Variants in SLC2A13 observed in about 807,000 individuals in gnomAD.
The protein encoded by SLC2A13 is proton myo-inositol cotransporter.
A neutral mutation model predicts 64.4 loss-of-function variants in SLC2A13; 32 were observed. The ratio of observed to expected loss-of-function variants is 0.50; its 90% CI spans 0.37 to 0.67. The LOEUF (loss-of-function observed/expected upper bound fraction) is 0.67. Among genes scored for constraint, SLC2A13 ranks in the 30% least tolerant of loss-of-function variants. The probability of loss-of-function intolerance (pLI) is 0.00; values close to 1 mark genes in which losing one functional copy is unlikely to be tolerated. For synonymous variants in SLC2A13, 338 were observed against 327.1 expected (o/e 1.03, Z -0.36); for missense variants, 743 against 829.2 (o/e 0.90, Z 1.28).
chr12:39,985,850 A>G (rs1035236117), intron 3 of SLC2A13, among the ~76,000 whole-genome samples: 1 of 152,118 alleles, frequency 6.6e-6, no homozygotes, highest in African/African-American at 2.4e-5. Context: ...TCAATAAGTC[A>G]TGATACGAAA....
Position 39,786,969 on chromosome 12 carries a change from A to G in SLC2A13, c.1446-22111T>C, listed in dbSNP as rs1048226064. On this transcript the variant is annotated intron_variant, in intron 7 of 9. Coordinates refer to ENST00000280871, the MANE Select transcript of SLC2A13 (RefSeq NM_052885.4). ...CATGAATCTAATCAGAGACATGGGC[A>G]TATTTTCTGTGTTTTTTCTTTTTTT... 2.4e-4 allele frequency among the ~76,000 whole-genome samples: 34 copies of G among 142,412 alleles called. 1 individual carries two copies. The highest frequency in any genetic ancestry group is 7.4e-5 in the Admixed American group (1 of 13,450). 93.4% of individuals were successfully genotyped at this position (142,412 alleles called of 152,430 possible).
At chr12:40,002,084 A>ATG (rs1947329520) in intron 3 of SLC2A13, among the ~76,000 whole-genome samples, 1 of 152,248 alleles carries the variant, frequency 6.6e-6, no homozygotes, top group Admixed American at 6.5e-5. Flanking sequence ...AAAACAAATG[A>ATG]ATCATTGGAT....
chr12:39,895,522 A>G (rs1419767348), intron 4 of SLC2A13, among the ~76,000 whole-genome samples: 11 of 4,628 alleles, frequency 2.4e-3, no homozygotes, highest in South Asian at 0.016. Flanking sequence ...AATTATATAT[A>G]TATATATATA....
chr12:39,830,128 A>G lies in SLC2A13; in HGVS notation c.1420T>C (p.Ser474Pro). 2 of 1,613,714 alleles carry G rather than the reference A, an allele frequency of 1.2e-6. No individual in the cohort carries two copies. The highest frequency in any genetic ancestry group is 2.2e-5 in the South Asian group (2 of 91,084). ...CTGCCCCAGGCTGCCTCATTTGTAG[A>G]TGCTTTATTAACTGGAACACAGGAG... ...DSSCVPVNKA[S>P]TNEAAWGRCE... Residue 474 changes from serine (S) to proline (P), a missense_variant, in exon 7 of 10, where the codon TCT (serine) becomes CCT (proline). Ser to Pro is a moderately conservative substitution (Grantham distance 74). This residue lies in a region of SLC2A13 where 295 missense variants were observed against 381.7 expected (regional missense o/e 0.77). Coordinates refer to ENST00000280871, the MANE Select transcript of SLC2A13 (RefSeq NM_052885.4).
chr12:40,083,877 A>G (rs1049268229), intron 1 of SLC2A13, among the ~76,000 whole-genome samples: 12 of 152,236 alleles, frequency 7.9e-5, no homozygotes, highest in Admixed American at 6.5e-4. Context: ...CAGAATCCTC[A>G]GCTGCATTTT....
At chr12:40,079,117 G>C (rs537926013) in intron 1 of SLC2A13, among the ~76,000 whole-genome samples, 3 of 152,186 alleles carry the variant, frequency 2.0e-5, no homozygotes, top group South Asian at 2.1e-4. Flanking sequence ...TTTCACCTGT[G>C]GTTTTTGTTC....
At chr12:39,875,530 T>A (rs139414497) in intron 4 of SLC2A13, among the ~76,000 whole-genome samples, 320 of 152,298 alleles carry the variant, frequency 2.1e-3, no homozygotes, top group African/African-American at 7.3e-3. Context: ...TGTTTGTATG[T>A]CCTTGGGGGG....
At chr12:40,025,160 A>C (rs1247518745) in intron 3 of SLC2A13, among the ~76,000 whole-genome samples, 1 of 152,262 alleles carries the variant, frequency 6.6e-6, no homozygotes, top group Non-Finnish European at 1.5e-5. Context: ...TCTGACCTCA[A>C]TGCCATGGGC....
intron 4 of SLC2A13, among the ~76,000 whole-genome samples, chr12:39,896,739 T>C (rs1201922139): frequency 3.3e-5 from 5 of 152,032 alleles, no homozygotes; most frequent in Admixed American, 6.5e-5. Context: ...TAATAAAACA[T>C]CTTGCAGTTT....
At chr12:40,030,334 A>G (rs1447869494) in intron 2 of SLC2A13, among the ~76,000 whole-genome samples, 1 of 152,202 alleles carries the variant, frequency 6.6e-6, no homozygotes, top group Non-Finnish European at 1.5e-5. Flanking sequence ...GTTAACTGGT[A>G]TAATTTAATC....
chr12:39,778,249 G>A (rs1401892527), intron 7 of SLC2A13, among the ~76,000 whole-genome samples: 1 of 152,180 alleles, frequency 6.6e-6, no homozygotes, highest in Non-Finnish European at 1.5e-5. Flanking sequence ...GTCCAGTGAG[G>A]CTGAATGTTT....
At chr12:40,101,475 C>G (rs1480003603) in intron 1 of SLC2A13, among the ~76,000 whole-genome samples, 1 of 152,146 alleles carries the variant, frequency 6.6e-6, no homozygotes, top group East Asian at 1.9e-4. Context: ...CTGTAGTAGC[C>G]ATCTCAGCAA....
chr12:39,875,209 C>A (rs1410870635), intron 4 of SLC2A13, among the ~76,000 whole-genome samples: 2 of 152,200 alleles, frequency 1.3e-5, no homozygotes, highest in Non-Finnish European at 2.9e-5. Context: ...GTCAGTAGAG[C>A]TCTGTCCCTT....
chr12:39,845,980 C>A (rs1243848614), intron 6 of SLC2A13, among the ~76,000 whole-genome samples: 1 of 152,082 alleles, frequency 6.6e-6, no homozygotes, highest in Non-Finnish European at 1.5e-5. Context: ...CAGATATACT[C>A]CAATTTGCCT....
At chr12:39,883,886 C>T (rs1015240502) in intron 4 of SLC2A13, among the ~76,000 whole-genome samples, 3 of 152,170 alleles carry the variant, frequency 2.0e-5, no homozygotes, top group South Asian at 2.1e-4. Context: ...AGTATATTCA[C>T]GTAGAATCTC....
chr12:39,838,134 A>T (rs2135865608), intron 6 of SLC2A13, among the ~76,000 whole-genome samples: 1 of 147,992 alleles, frequency 6.8e-6, no homozygotes, highest in South Asian at 2.2e-4. Context: ...AATGTGGCAC[A>T]TATACACCAT....
At chr12:39,818,949 AC>A (rs1259387233) in intron 7 of SLC2A13, among the ~76,000 whole-genome samples, 3 of 152,202 alleles carry the variant, frequency 2.0e-5, no homozygotes, top group Admixed American at 6.5e-5. Flanking sequence ...TTAAAAAACA[AC>A]ATAGGTCTGC....
chr12:40,013,552 C>T (rs756307213), intron 3 of SLC2A13, among the ~76,000 whole-genome samples: 10 of 152,198 alleles, frequency 6.6e-5, no homozygotes, highest in African/African-American at 1.9e-4. Context: ...TAACACCCAA[C>T]GGCACATAGC....
chr12:39,783,310 G>C (rs904897693), intron 7 of SLC2A13, among the ~76,000 whole-genome samples: 1 of 152,192 alleles, frequency 6.6e-6, no homozygotes, highest in African/African-American at 2.4e-5. Flanking sequence ...TTGCTATTGT[G>C]AATAGTGCCG....
Sources: gnomAD v4.1 joint callset for allele counts (sites outside exome capture counted in the v4.1 genomes callset) on GRCh38, gnomAD v4.1.1 for gene constraint, gnomAD v4.1.1 regional missense constraint, MANE v1.5 for transcripts, NCBI Gene and HGNC (gene_info 2026-07-23, HGNC 2026-07-21) for gene names.